The following PHLPP1 variants were observed in gnomAD, a reference collection of about 807,000 sequenced individuals.
PHLPP1 encodes the protein PH domain and leucine rich repeat protein phosphatase 1.
PHLPP1 carries 42 observed loss-of-function variants against 117.2 expected under a neutral mutation model. That is an observed-to-expected ratio of 0.36 (90% CI 0.28 to 0.46). The LOEUF is 0.46. Among genes scored for constraint, PHLPP1 ranks in the 20% least tolerant of loss-of-function variants. The pLI, the probability that PHLPP1 is intolerant of heterozygous loss-of-function variation, is 1.00. For missense variants in PHLPP1, 2,084 were observed against 2,241.9 expected (o/e 0.93, Z 1.42); for synonymous variants, 1,042 against 970.7 (o/e 1.07, Z -1.37).
intron 1 of PHLPP1, among the ~76,000 whole-genome samples, chr18:62,766,101 A>ATATATATATATATATATATATATATATG (rs1912510447): frequency 1.2e-5 from 1 of 86,104 alleles, no homozygotes; most frequent in Admixed American, 1.3e-4. Flanking sequence ...ATATATATAT[A>ATATATATATATATATATATATATATATG]TAAAATATAT....
At position 62,905,786 on chromosome 18, in the gene PHLPP1, A is replaced by G. The variant is rs551343726; in HGVS notation, c.2708+502A>G. 8.7e-4 allele frequency among the ~76,000 whole-genome samples: 132 copies of G among 152,332 alleles called. 2 individuals carry two copies. Among genetic ancestry groups the G allele is most frequent in the African/African-American group, 3.1e-3 (129 of 41,582 alleles). The stretch of plus-strand genomic sequence containing the variant: ...AAGCCTATCAAAATAGAAATTCTCT[A>G]CAACCTGCTTGGTTTTCTTAGCTCC... On this transcript the variant is annotated intron_variant, in intron 8 of 16. Transcript: ENST00000262719.
chr18:62,963,055 C>T (rs1039405003), intron 13 of PHLPP1, among the ~76,000 whole-genome samples: 1 of 152,158 alleles, frequency 6.6e-6, no homozygotes, highest in African/African-American at 2.4e-5. Flanking sequence ...TTTCTCATGC[C>T]AAGGCTGAGA....
intron 11 of PHLPP1, among the ~76,000 whole-genome samples, chr18:62,943,253 G>A (rs1245003588): frequency 2.6e-5 from 4 of 152,162 alleles, no homozygotes; most frequent in Non-Finnish European, 4.4e-5. Context: ...ATGTGGCTCA[G>A]TAGCTCCCCT....
At chr18:62,745,368 T>C (rs1911646171) in intron 1 of PHLPP1, among the ~76,000 whole-genome samples, 2 of 152,238 alleles carry the variant, frequency 1.3e-5, no homozygotes, top group South Asian at 2.1e-4. Context: ...CTAGTGGTTA[T>C]TACATGAAAA....
chr18:62,916,954 A>T (rs571064680), intron 9 of PHLPP1, among the ~76,000 whole-genome samples: 97 of 149,882 alleles, frequency 6.5e-4, no homozygotes, highest in Non-Finnish European at 1.1e-3. Flanking sequence ...GGGTTTCACT[A>T]TGTTGACCAG....
At chr18:62,768,606 C>G (rs1912636349) in intron 1 of PHLPP1, among the ~76,000 whole-genome samples, 2 of 152,126 alleles carry the variant, frequency 1.3e-5, no homozygotes, top group Admixed American at 6.6e-5. Flanking sequence ...GTCACTAAAC[C>G]TTACCCAGAT....
chr18:62,947,379 G>C (rs925346428), intron 12 of PHLPP1, among the ~76,000 whole-genome samples: 1 of 152,174 alleles, frequency 6.6e-6, no homozygotes, highest in Non-Finnish European at 1.5e-5. Flanking sequence ...TGATTATATA[G>C]AGCAACTATT....
chr18:62,716,779 T>C lies in PHLPP1; in HGVS notation c.1096T>C (p.Tyr366His). 6.6e-7 allele frequency: 1 copy of C among 1,526,204 alleles called. No homozygotes were observed. Among genetic ancestry groups the C allele is most frequent in the Non-Finnish European group, 8.8e-7 (1 of 1,142,280 alleles). The allele number at this position is 1,526,204 out of a possible 1,614,324, so 94.5% of individuals were successfully genotyped here. The change falls in exon 1 of 17, where the codon TAC becomes CAC. Residue 366 changes from tyrosine to histidine, a missense_variant. Tyr to His is a moderately conservative substitution (Grantham distance 83, BLOSUM62 2). Transcript: ENST00000262719. This position sits in a 1 kb window ranked among gnomAD's most constrained non-coding sequence, Gnocchi z 5.7. ...GAGCGTGTCTGACCGGTTGGACCCC[T>C]ACAGCAGCGGCGGCGGCTCCTCGTC... ...AESVSDRLDP[Y>H]SSGGGSSSSS...
intron 6 of PHLPP1, among the ~76,000 whole-genome samples, chr18:62,897,588 C>A (rs976026091): frequency 3.3e-5 from 5 of 152,168 alleles, no homozygotes; most frequent in Non-Finnish European, 5.9e-5. Flanking sequence ...CTCACTGCAA[C>A]CTCCACCTCC....
intron 1 of PHLPP1, among the ~76,000 whole-genome samples, chr18:62,802,897 G>A (rs1000998851): frequency 6.6e-6 from 1 of 152,186 alleles, no homozygotes; most frequent in African/African-American, 2.4e-5. Flanking sequence ...GTTCAGAGAA[G>A]TTGTTTCAGG....
chr18:62,720,599 G>A (rs1300990210), intron 1 of PHLPP1, among the ~76,000 whole-genome samples: 2 of 152,184 alleles, frequency 1.3e-5, no homozygotes, highest in Admixed American at 6.5e-5. Flanking sequence ...ATATTGACAA[G>A]CAGGTTCTTA....
chr18:62,821,800 G>A (rs988649571), intron 1 of PHLPP1, among the ~76,000 whole-genome samples: 3 of 150,004 alleles, frequency 2.0e-5, no homozygotes, highest in African/African-American at 7.4e-5. Context: ...CTCCTGGGCT[G>A]GAGTGCAGTG....
intron 2 of PHLPP1, among the ~76,000 whole-genome samples, chr18:62,837,494 A>G (rs1914938691): frequency 6.6e-6 from 1 of 151,900 alleles, no homozygotes; most frequent in African/African-American, 2.4e-5. Flanking sequence ...GGATGTATCC[A>G]TTTTTCTTGC....
chr18:62,925,809 C>T (rs1174520393), intron 10 of PHLPP1, among the ~76,000 whole-genome samples: 1 of 152,164 alleles, frequency 6.6e-6, no homozygotes, highest in Non-Finnish European at 1.5e-5. Flanking sequence ...ACTTACCAAA[C>T]ATGCAGATTC....
chr18:62,769,659 C>G (rs1374053903), intron 1 of PHLPP1, among the ~76,000 whole-genome samples: 1 of 152,028 alleles, frequency 6.6e-6, no homozygotes, highest in Non-Finnish European at 1.5e-5. Context: ...AAATAATGTA[C>G]AGAACAATAA....
chr18:62,870,815 C>T (rs1010067565), intron 4 of PHLPP1, among the ~76,000 whole-genome samples: 1 of 152,174 alleles, frequency 6.6e-6, no homozygotes, highest in Non-Finnish European at 1.5e-5. Flanking sequence ...TGCTGATGTA[C>T]ACACACAGGT....
chr18:62,952,441 C>G (rs911567583), intron 12 of PHLPP1, among the ~76,000 whole-genome samples: 7 of 152,050 alleles, frequency 4.6e-5, no homozygotes, highest in African/African-American at 1.7e-4. Context: ...CAAATTCTTG[C>G]CAATTTTAAG....
intron 3 of PHLPP1, among the ~76,000 whole-genome samples, chr18:62,844,215 T>C (rs1915121790): frequency 6.6e-6 from 1 of 152,112 alleles, no homozygotes; most frequent in South Asian, 2.1e-4. Flanking sequence ...TGGGTGTCTG[T>C]AATCCCAGCT....
intron 4 of PHLPP1, among the ~76,000 whole-genome samples, chr18:62,888,287 A>ATGTG (rs200659921): frequency 0.038 from 4,983 of 130,818 alleles, 116 homozygotes; most frequent in Admixed American, 0.047. Context: ...ATTTCACAAA[A>ATGTG]TGTGTGTGTG....
Sources: gnomAD v4.1 joint callset for allele counts (sites outside exome capture counted in the v4.1 genomes callset) on GRCh38, gnomAD v4.1.1 for gene constraint, Gnocchi (gnomAD v3.1) non-coding constraint, MANE v1.5 for transcripts, NCBI Gene and HGNC (gene_info 2026-07-23, HGNC 2026-07-21) for gene names.